Variants in ATAD2B observed in about 807,000 individuals in gnomAD.
ATAD2B encodes ATPase family AAA domain containing 2B.
Under a neutral mutation model 167.6 loss-of-function variants are expected in ATAD2B, and 40 were observed. That is an observed-to-expected ratio of 0.24 (90% confidence interval 0.19 to 0.31). The LOEUF is 0.31. Among genes scored for constraint, ATAD2B ranks in the 10% least tolerant of loss-of-function variants. The pLI is 1.00. For missense variants in ATAD2B, 1,242 were observed against 1,757.2 expected, an observed-to-expected ratio of 0.71 and a Z score of 5.24; for synonymous variants, 579 against 596.5, an observed-to-expected ratio of 0.97 and a Z score of 0.43.
At chr2:23,792,884 A>T (rs915713188) in intron 19 of ATAD2B, among the ~76,000 whole-genome samples, 1 of 139,266 alleles carries the variant, frequency 7.2e-6, no homozygotes, top group Admixed American at 7.9e-5. Flanking sequence ...AATGGCGTGA[A>T]CCCGGGAGGC....
chr2:23,875,995 T>C, intron 7 of ATAD2B, 91 bp from the exon 8 acceptor site: 1 of 977,088 alleles, frequency 1.0e-6, no homozygotes, highest in South Asian at 1.5e-5. Context: ...GCTCACTTTT[T>C]TGTTGTTGTT....
At chr2:23,710,755 C>T in the ATAD2B span, among the ~76,000 whole-genome samples, 8 of 152,150 alleles carry the variant, frequency 5.3e-5, no homozygotes, top group African/African-American at 1.7e-4. Flanking sequence ...ATTGCCGTTA[C>T]GTTGTATTAG....
chr2:23,774,373 G>A (rs1678774339), intron 22 of ATAD2B, among the ~76,000 whole-genome samples: 1 of 151,738 alleles, frequency 6.6e-6, no homozygotes, highest in South Asian at 2.1e-4. Flanking sequence ...GAGGATCACT[G>A]GTGCCCAGGA....
At chr2:23,686,611 G>A in the ATAD2B span, among the ~76,000 whole-genome samples, 6 of 152,128 alleles carry the variant, frequency 3.9e-5, no homozygotes, top group African/African-American at 1.4e-4. Context: ...GGCATCAGAG[G>A]TCACAGGGAG....
intron 12 of ATAD2B, among the ~76,000 whole-genome samples, chr2:23,858,545 G>A (rs892415631): frequency 2.5e-4 from 36 of 143,230 alleles, no homozygotes; most frequent in Non-Finnish European, 4.3e-4. Flanking sequence ...AGGCTTGAGT[G>A]CAGTGGCATG....
rs1675119364 is a variant in ATAD2B, at chr2:23,749,382, A to T, written c.*2664T>A. 1 of 152,172 alleles carries T rather than the reference A, an allele frequency of 6.6e-6. No individual in the cohort carries two copies. The highest frequency in any genetic ancestry group is 1.5e-5 in the Non-Finnish European group (1 of 68,006). 9.4% of individuals were successfully genotyped at this position (152,172 alleles called of 1,614,324 possible). ...AGGAGCTTATCTTTATAATGCTCAC[A>T]ATAGGAAATAAGAACAGAGGTCAAT... On this transcript the variant is annotated 3_prime_UTR_variant, in exon 28 of 28. Coordinates refer to ENST00000238789, the MANE Select transcript of ATAD2B (RefSeq NM_017552.4).
intron 13 of ATAD2B, among the ~76,000 whole-genome samples, chr2:23,844,711 A>C (rs1691462373): frequency 6.6e-6 from 1 of 152,186 alleles, no homozygotes; most frequent in Non-Finnish European, 1.5e-5. Context: ...ATTTAAAGCA[A>C]AATTAACAAA....
chr2:23,811,361 C>CA (rs1255354785), intron 17 of ATAD2B: 1 of 152,210 alleles, frequency 6.6e-6, no homozygotes, highest in African/African-American at 2.4e-5. Context: ...TCCCTTCTGC[C>CA]ATGTGAGGAC....
chr2:23,878,025 A>AAAAAAAAAAAAAAAG (rs1558713989), intron 7 of ATAD2B, among the ~76,000 whole-genome samples: 1,912 of 105,462 alleles, frequency 0.018, 41 homozygotes, highest in East Asian at 0.073. Flanking sequence ...AAAAAAAAAA[A>AAAAAAAAAAAAAAAG]AAAAAAAAAA....
chr2:23,784,954 T>C (rs1300376712), intron 21 of ATAD2B, among the ~76,000 whole-genome samples: 2 of 152,010 alleles, frequency 1.3e-5, no homozygotes, highest in Non-Finnish European at 2.9e-5. Context: ...TTTCCTCAAC[T>C]GCAAAGTAAG....
intron 1 of ATAD2B, among the ~76,000 whole-genome samples, chr2:23,904,690 T>C (rs1004767778): frequency 6.6e-6 from 1 of 152,098 alleles, no homozygotes; most frequent in Non-Finnish European, 1.5e-5. Context: ...ATAGGAACAT[T>C]TTCCCCCAAG....
intron 13 of ATAD2B, among the ~76,000 whole-genome samples, chr2:23,852,295 C>CT (rs879579418): frequency 4.6e-4 from 67 of 146,602 alleles, no homozygotes; most frequent in Admixed American, 5.5e-4. Context: ...GCCATCTCAT[C>CT]TTTTTTTTTT....
Position 23,887,148 on chromosome 2 carries a change from C to T in ATAD2B, c.572+684G>A, listed in dbSNP as rs371849786. 4.6e-5 allele frequency among the ~76,000 whole-genome samples: 7 copies of T among 152,080 alleles called. No individual in the cohort carries two copies. The South Asian group carries it at 6.2e-4, about 14-fold the overall frequency. On this transcript the variant is annotated intron_variant, in intron 4 of 27. Transcript: ENST00000238789. ...GCATGGTGGCACGCGCCTATAGTCC[C>T]AGCTGCTCGGAAGGCTGAGGCAGGA...
At chr2:23,894,515 A>G (rs1699941465) in intron 2 of ATAD2B, among the ~76,000 whole-genome samples, 1 of 152,106 alleles carries the variant, frequency 6.6e-6, no homozygotes. Flanking sequence ...CAATTTACAT[A>G]AAGGCCTGCT....
At chr2:23,769,426 G>A (rs937871660) in intron 22 of ATAD2B, among the ~76,000 whole-genome samples, 10 of 151,930 alleles carry the variant, frequency 6.6e-5, no homozygotes, top group Admixed American at 6.6e-4. Flanking sequence ...GGTGACAGAG[G>A]AAGACAGCGT....
At chr2:23,803,789 CCCACCTTA>C (rs530117893) in intron 18 of ATAD2B, among the ~76,000 whole-genome samples, 78 of 152,226 alleles carry the variant, frequency 5.1e-4, no homozygotes, top group East Asian at 3.3e-3. Context: ...AGTAGGGTCT[CCCACCTTA>C]CCACGCATAT....
In ATAD2B at chr2:23,885,718, T is replaced by C; in HGVS notation, c.675+9A>G. 3 of 1,498,990 alleles carry C rather than the reference T, an allele frequency of 2.0e-6. No individual in the cohort carries two copies. The highest frequency in any genetic ancestry group is 2.8e-6 in the Non-Finnish European group (3 of 1,090,822). 92.9% of individuals were successfully genotyped at this position (1,498,990 alleles called of 1,614,324 possible). On this transcript the variant is annotated intron_variant, in intron 5 of 27. Transcript: ENST00000238789. ...TATTTACAAAGATTGCTACAGCTAATATACTCACAAATTCTGTATCTGTCC... is the reference window on the plus strand; with the variant it reads ...TATTTACAAAGATTGCTACAGCTAACATACTCACAAATTCTGTATCTGTCC...
chr2:23,787,439 G>C (rs1173668645), intron 20 of ATAD2B, among the ~76,000 whole-genome samples: 2 of 151,834 alleles, frequency 1.3e-5, no homozygotes, highest in Non-Finnish European at 2.9e-5. Flanking sequence ...GAAATATTTA[G>C]ATTAACAGGA....
intron 6 of ATAD2B, among the ~76,000 whole-genome samples, chr2:23,882,502 T>TAAAAAA (rs770725105): frequency 1.1e-5 from 1 of 92,200 alleles, no homozygotes. Context: ...AGCCTCTATT[T>TAAAAAA]AAAAAAAAAA....
Sources: gnomAD v4.1 joint callset for allele counts (sites outside exome capture counted in the v4.1 genomes callset) on GRCh38, gnomAD v4.1.1 for gene constraint, MANE v1.5 for transcripts, NCBI Gene and HGNC (gene_info 2026-07-23, HGNC 2026-07-21) for gene names.